Variants in NUMA1 observed in about 807,000 individuals in gnomAD.
NUMA1 encodes SP-H antigen.
Under a neutral mutation model 237.1 loss-of-function variants are expected in NUMA1, and 62 were observed. That is an observed-to-expected ratio of 0.26 (90% confidence interval 0.21 to 0.32). The LOEUF (loss-of-function observed/expected upper bound fraction) is 0.32. Ranked by LOEUF, NUMA1 falls within the 10% of genes least tolerant of loss-of-function variation. The pLI is 1.00. For missense variants in NUMA1, 2,533 were observed against 2,666.5 expected (o/e 0.95, Z 1.10); for synonymous variants, 1,028 against 1,066.1 (o/e 0.96, Z 0.70).
In NUMA1 at chr11:72,012,892, T is replaced by C. The variant is rs756381407; in HGVS notation, c.4608+3A>G. 11 of 1,613,166 alleles carry C rather than the reference T, an allele frequency of 6.8e-6. No individual in the cohort carries two copies. Among genetic ancestry groups the C allele is most frequent in the Admixed American group, 1.7e-5 (1 of 59,976 alleles). On this transcript the variant is annotated splice_donor_region_variant and intron_variant, in intron 15 of 26. Coordinates refer to ENST00000393695, the MANE Select transcript of NUMA1 (RefSeq NM_006185.4). ...GGGAGGGTGGTTGGGCTGAGTACCT[T>C]ACCTGGGCAGTGAGTTTCTGCCTCT...
At chr11:72,024,390 G>T (rs777813782) in intron 4 of NUMA1, 37 bp from the exon 5 acceptor site, 1 of 1,575,772 alleles carries the variant, frequency 6.3e-7, no homozygotes, top group Non-Finnish European at 8.7e-7. Flanking sequence ...AGAGTATTCA[G>T]CAATCTTTGC....
chr11:72,014,792 G>T lies in NUMA1; in HGVS notation c.2711C>A (p.Thr904Asn). The T allele has an allele frequency of 1.2e-6, 2 of 1,614,204 alleles. No homozygotes were observed. The highest frequency in any genetic ancestry group is 8.5e-7 in the Non-Finnish European group (1 of 1,180,032). ...RAQKLADDLS[T>N]LQEKMAATSK... ...GGTGGCAGCCATCTTTTCCTGCAGAGTGGAGAGGTCATCTGCAAGCTTCTG... is the reference window on the plus strand; with the variant it reads ...GGTGGCAGCCATCTTTTCCTGCAGATTGGAGAGGTCATCTGCAAGCTTCTG... The change falls in exon 15 of 27, where the codon ACT becomes AAT. Residue 904 changes from threonine to asparagine, a missense_variant. This residue lies in a region of NUMA1 where 1,414 missense variants were observed against 1,508.1 expected (regional missense o/e 0.94). Coordinates refer to ENST00000393695, the MANE Select transcript of NUMA1 (RefSeq NM_006185.4). The surrounding 1 kb of genome is among the most constrained non-coding windows in gnomAD (Gnocchi z 4.6).
intron 2 of NUMA1, among the ~76,000 whole-genome samples, chr11:72,045,504 G>A (rs1941946081): frequency 6.6e-6 from 1 of 152,176 alleles, no homozygotes; most frequent in African/African-American, 2.4e-5. Flanking sequence ...TCTTGAGACA[G>A]TCTCACTCTG....
At chr11:72,006,416 G>C (rs980710271) in intron 21 of NUMA1, among the ~76,000 whole-genome samples, 153 bp from the exon 22 acceptor site, 4 of 152,192 alleles carry the variant, frequency 2.6e-5, no homozygotes, top group Non-Finnish European at 4.4e-5. Context: ...CAAGAAATGG[G>C]CCTTGTCGAC....
chr11:72,074,195 A>AAAACAAAAACAAAGACAAAC (rs1491417827), intron 1 of NUMA1, among the ~76,000 whole-genome samples: 1 of 2,418 alleles, frequency 4.1e-4, no homozygotes, highest in African/African-American at 8.5e-4. Flanking sequence ...ACTCCATCTC[A>AAAACAAAAACAAAGACAAAC]AAAAAAATTA....
At chr11:72,016,387 G>T in intron 14 of NUMA1, 21 bp downstream of exon 14, 2 of 1,612,740 alleles carry the variant, frequency 1.2e-6, no homozygotes, top group Non-Finnish European at 1.7e-6. Context: ...GCAGCACACA[G>T]GTCTTTCTGT....
chr11:72,070,095 G>A (rs1943379383), intron 1 of NUMA1, 184 bp from the exon 2 acceptor site: 1 of 152,128 alleles, frequency 6.6e-6, no homozygotes, highest in Non-Finnish European at 1.5e-5. Context: ...AGAGTCACTG[G>A]GGCAGAAATT....
chr11:72,035,264 C>T (rs1940869609), intron 3 of NUMA1, among the ~76,000 whole-genome samples: 1 of 152,076 alleles, frequency 6.6e-6, no homozygotes, highest in Admixed American at 6.6e-5. Context: ...AAGTAATCGG[C>T]AAGGCAACAT....
At chr11:72,046,054 C>T (rs2135945341) in intron 2 of NUMA1, among the ~76,000 whole-genome samples, 1 of 152,338 alleles carries the variant, frequency 6.6e-6, no homozygotes, top group Non-Finnish European at 1.5e-5. Flanking sequence ...TGCCAAGTTT[C>T]TGGGCCAGCT....
At chr11:72,029,315 G>A in intron 3 of NUMA1, 25 bp from the exon 4 acceptor site, 1 of 1,495,988 alleles carries the variant, frequency 6.7e-7, no homozygotes, top group Admixed American at 1.9e-5. Context: ...GAACAGCCTA[G>A]TGAGACCGTT....
chr11:72,052,308 G>A (rs2136043718), intron 2 of NUMA1, among the ~76,000 whole-genome samples: 1 of 152,258 alleles, frequency 6.6e-6, no homozygotes, highest in South Asian at 2.1e-4. Context: ...GCTTTATAGA[G>A]GAAGTGACAT....
Position 72,025,510 on chromosome 11 carries a change from G to A in NUMA1, c.129-1157C>T, listed in dbSNP as rs577665607. 1.2e-4 allele frequency among the ~76,000 whole-genome samples: 19 copies of A among 152,248 alleles called. No homozygotes were observed. In the East Asian group the frequency reaches 3.1e-3, roughly 25 times the overall value. On this transcript the variant is annotated intron_variant, in intron 4 of 26. Coordinates refer to ENST00000393695, the MANE Select transcript of NUMA1 (RefSeq NM_006185.4). ...TGGGGGAACTTCGCTGGATCCCCTA[G>A]CTAACTGCAGTTCCATTTTCAGAAG...
At chr11:72,005,818 G>T in intron 22 of NUMA1, 1 of 569,512 alleles carries the variant, frequency 1.8e-6, no homozygotes, top group South Asian at 2.3e-5. Context: ...TGGGAATCCC[G>T]GGCCCTTAAC....
chr11:72,070,860 A>G lies in NUMA1; in HGVS notation c.-102-949T>C, dbSNP rs559587203. ...AAGGCATTCAAATATTTTAATTCAA[A>G]TATTTATGTAGTGTCTCACTGTGAG... On this transcript the variant is annotated intron_variant, in intron 1 of 26. Coordinates refer to ENST00000393695, the MANE Select transcript of NUMA1 (RefSeq NM_006185.4). Among the ~76,000 whole-genome samples the G allele has an allele frequency of 2.6e-5, 4 of 152,340 alleles. No individual in the cohort carries two copies. In the South Asian group the frequency reaches 8.3e-4, roughly 32 times the overall value.
chr11:72,013,934 C>A lies in NUMA1; in HGVS notation c.3569G>T (p.Arg1190Leu). ...CTTGGTGCGGAAGGCAGCCAACTCC[C>A]GTTGGGCCGAGGCTAAGGCACTCTG... is the stretch of plus-strand genomic sequence containing the variant. ...HSQSALASAQ[R>L]ELAAFRTKVQ... is the part of the protein sequence containing the mutation. The change falls in exon 15 of 27, where the codon CGG becomes CTG. Residue 1190 changes from arginine to leucine, a missense_variant. This residue lies in a region of NUMA1 where 1,414 missense variants were observed against 1,508.1 expected (regional missense o/e 0.94). Transcript: ENST00000393695. This position sits in a 1 kb window ranked among gnomAD's most constrained non-coding sequence, Gnocchi z 6.8. The A allele has an allele frequency of 6.2e-7, 1 of 1,613,956 alleles. No homozygotes were observed. The highest frequency in any genetic ancestry group is 1.7e-5 in the Admixed American group (1 of 60,028).
At chr11:72,047,697 G>T (rs749218082) in intron 2 of NUMA1, among the ~76,000 whole-genome samples, 1 of 152,108 alleles carries the variant, frequency 6.6e-6, no homozygotes, top group Non-Finnish European at 1.5e-5. Context: ...TTTGTCCTGA[G>T]AATTAGACAA....
In NUMA1 at chr11:72,006,750, C is replaced by A. The variant is rs554340861; in HGVS notation, c.5463+439G>T. 5.9e-5 allele frequency among the ~76,000 whole-genome samples: 9 copies of A among 152,328 alleles called. No individual in the cohort carries two copies. The East Asian group carries it at 1.7e-3, about 29-fold the overall frequency. ...GGGGGCACCCTAAACACACAGGTCC[C>A]CCCTGCTGTACCAGGGGCCCCTCTC... On this transcript the variant is annotated intron_variant, in intron 21 of 26. Coordinates refer to ENST00000393695, the MANE Select transcript of NUMA1 (RefSeq NM_006185.4).
chr11:72,040,028 G>A (rs1461408486), intron 2 of NUMA1, among the ~76,000 whole-genome samples: 1 of 152,148 alleles, frequency 6.6e-6, no homozygotes, highest in Non-Finnish European at 1.5e-5. Context: ...GAAGATAAAA[G>A]GCAAGAGGAC....
chr11:72,008,036 G>C (rs749713936), intron 20 of NUMA1: 1 of 455,824 alleles, frequency 2.2e-6, no homozygotes, highest in African/African-American at 2.0e-5. Context: ...CCTTGGGCAA[G>C]TGACTGCCCC....
Sources: allele counts gnomAD v4.1 joint callset (sites outside exome capture counted in the v4.1 genomes callset), GRCh38; gene constraint gnomAD v4.1.1; regional missense constraint gnomAD v4.1.1; non-coding constraint Gnocchi (gnomAD v3.1); transcripts MANE v1.5; gene names NCBI Gene and HGNC (gene_info 2026-07-23, HGNC 2026-07-21).